The following STRIP1 variants were observed in gnomAD, a reference collection of about 807,000 sequenced individuals.
The protein encoded by STRIP1 is striatin interacting protein 1.
A neutral mutation model predicts 106.2 loss-of-function variants in STRIP1; 63 were observed. The observed-to-expected ratio is 0.59, with a 90% CI of 0.48 to 0.73. The LOEUF is 0.73. Ranked by LOEUF, STRIP1 falls within the 30% of genes least tolerant of loss-of-function variation. The pLI, the probability that STRIP1 is intolerant of heterozygous loss-of-function variation, is 0.00. For synonymous variants in STRIP1, 390 were observed against 413.0 expected, an observed-to-expected ratio of 0.94 and a Z score of 0.67; for missense variants, 857 against 1,074.8, an observed-to-expected ratio of 0.80 and a Z score of 2.83.
At chr1:110,051,376 G>A (rs1653293445) in intron 19 of STRIP1, among the ~76,000 whole-genome samples, 1 of 152,194 alleles carries the variant, frequency 6.6e-6, no homozygotes, top group Non-Finnish European at 1.5e-5. Context: ...TTGGGGTGGG[G>A]AGGTCCTTGA....
chr1:110,032,702 A>T (rs941965353), upstream of STRIP1, among the ~76,000 whole-genome samples: 23 of 152,154 alleles, frequency 1.5e-4, no homozygotes, highest in African/African-American at 5.3e-4. Context: ...TACCCAGCTG[A>T]TAAGATTCCA....
At chr1:110,032,290 G>A (rs1404007280), upstream of STRIP1, among the ~76,000 whole-genome samples, 1 of 152,204 alleles carries the variant, frequency 6.6e-6, no homozygotes, top group Non-Finnish European at 1.5e-5. Flanking sequence ...GGAAATAGCA[G>A]TGTGGTGGTT....
intron 17 of STRIP1, 123 bp downstream of exon 17, chr1:110,049,683 CATAAAG>C (rs1053406157): frequency 2.1e-4 from 139 of 671,664 alleles, no homozygotes; most frequent in Middle Eastern, 3.2e-4. Flanking sequence ...GGCATCAAGA[CATAAAG>C]ATAAATGAGA....
At chr1:110,039,629 C>G in intron 5 of STRIP1, 114 bp downstream of exon 5, 1 of 1,314,566 alleles carries the variant, frequency 7.6e-7, no homozygotes, top group South Asian at 1.4e-5. Flanking sequence ...GTTCTGGTCC[C>G]AGGCTGTGTT....
At chr1:110,044,979 G>T (rs1391919270) in intron 11 of STRIP1, 36 bp from the exon 12 acceptor site, 1 of 1,613,832 alleles carries the variant, frequency 6.2e-7, no homozygotes, top group Admixed American at 1.7e-5. Flanking sequence ...GTGATTTGAT[G>T]TCGAGGCTCA....
chr1:110,053,157 T>C lies in STRIP1; in HGVS notation c.2267-508T>C, dbSNP rs545609889. On this transcript the variant is annotated intron_variant, in intron 20 of 20. Transcript: ENST00000369795. ...ACTAGGCCTCTGCAGGCACTCTTCT[T>C]TCGCCCACAGTGTGTCTCCCCTGCC... Among the ~76,000 whole-genome samples the C allele has an allele frequency of 3.9e-5, 6 of 152,348 alleles. No individual in the cohort carries two copies. In the South Asian group the frequency reaches 8.3e-4, roughly 21 times the overall value.
intron 5 of STRIP1, 105 bp from the exon 6 acceptor site, chr1:110,040,530 A>C: frequency 9.0e-7 from 1 of 1,112,272 alleles, no homozygotes; most frequent in Non-Finnish European, 1.3e-6. Context: ...TGTGCAGTCC[A>C]AGCACGTATC....
In STRIP1 at chr1:110,053,917, G is replaced by A; in HGVS notation, c.*5G>A. The A allele has an allele frequency of 3.1e-6, 5 of 1,613,964 alleles. No homozygotes were observed. Among genetic ancestry groups the A allele is most frequent in the South Asian group, 1.1e-5 (1 of 91,066 alleles). On this transcript the variant is annotated 3_prime_UTR_variant, in exon 21 of 21. Transcript: ENST00000369795. Reference sequence around the variant, plus strand: ...TGGGAAGAGCTGCTGCAGTGAGGCTGTTGGTTAGGGGACTGAAATGGAGAG... The same window carrying A: ...TGGGAAGAGCTGCTGCAGTGAGGCTATTGGTTAGGGGACTGAAATGGAGAG...
At chr1:110,038,532 C>A in intron 2 of STRIP1, 151 bp from the exon 3 acceptor site, 1 of 619,862 alleles carries the variant, frequency 1.6e-6, no homozygotes, top group Non-Finnish European at 2.9e-6. Context: ...CACTAAGATC[C>A]CCTTCATAAT....
intron 2 of STRIP1, 133 bp from the exon 3 acceptor site, chr1:110,038,550 C>T (rs896769607): frequency 1.4e-5 from 9 of 658,084 alleles, no homozygotes; most frequent in Non-Finnish European, 2.4e-5. Flanking sequence ...AATTAGAGAG[C>T]TTATTCCAGG....
At chr1:110,050,571 G>A (rs1653248185) in intron 18 of STRIP1, among the ~76,000 whole-genome samples, 162 bp downstream of exon 18, 1 of 152,252 alleles carries the variant, frequency 6.6e-6, no homozygotes, top group East Asian at 1.9e-4. Context: ...AGGGCCAGGA[G>A]GAGGGCTCTT....
At chr1:110,038,111 T>TAC (rs1553193268) in intron 2 of STRIP1, 151 bp downstream of exon 2, 5 of 148,304 alleles carry the variant, frequency 3.4e-5, no homozygotes, top group African/African-American at 1.5e-4. Context: ...TATATATATA[T>TAC]ATGTATAAAA....
intron 5 of STRIP1, 164 bp downstream of exon 5, chr1:110,039,679 C>T (rs1652663035): frequency 2.0e-6 from 2 of 1,021,206 alleles, no homozygotes; most frequent in Non-Finnish European, 2.9e-6. Flanking sequence ...GTCACTTACA[C>T]CTTGAAGATT....
At chr1:110,040,570 C>CT in intron 5 of STRIP1, 65 bp from the exon 6 acceptor site, 37 of 1,490,770 alleles carry the variant, frequency 2.5e-5, no homozygotes, top group Middle Eastern at 1.7e-4. Context: ...TTGGTCAGTA[C>CT]TTGTCAGGGA....
chr1:110,041,347 C>T (rs1177799810), intron 6 of STRIP1, 189 bp from the exon 7 acceptor site: 6 of 550,854 alleles, frequency 1.1e-5, no homozygotes, highest in South Asian at 8.5e-5. Context: ...TCGCTACCAC[C>T]TCTGTGGTTT....
chr1:110,051,976 C>G, intron 20 of STRIP1, 89 bp downstream of exon 20: 1 of 1,369,686 alleles, frequency 7.3e-7, no homozygotes, highest in South Asian at 1.3e-5. Flanking sequence ...TCAGGTACTT[C>G]TCTGCCCTGA....
chr1:110,033,025 A>G (rs1300358593), upstream of STRIP1, among the ~76,000 whole-genome samples: 2 of 152,126 alleles, frequency 1.3e-5, no homozygotes, highest in African/African-American at 4.8e-5. Flanking sequence ...ATCAATTACT[A>G]TCCCTCCCTT....
chr1:110,045,126 A>G (rs1652958219), intron 12 of STRIP1, 48 bp downstream of exon 12: 3 of 1,563,790 alleles, frequency 1.9e-6, no homozygotes, highest in Non-Finnish European at 2.6e-6. Flanking sequence ...CTAAGTGAGT[A>G]GAGTGAAACC....
At chr1:110,043,042 C>G (rs1452427930) in intron 8 of STRIP1, 46 bp from the exon 9 acceptor site, 1 of 1,556,146 alleles carries the variant, frequency 6.4e-7, no homozygotes, top group Non-Finnish European at 8.7e-7. Context: ...AGGGGCCAGC[C>G]TGTGGACACA....
Sources: allele counts gnomAD v4.1 joint callset (sites outside exome capture counted in the v4.1 genomes callset), GRCh38; gene constraint gnomAD v4.1.1; transcripts MANE v1.5; gene names NCBI Gene and HGNC (gene_info 2026-07-23, HGNC 2026-07-21).